CFAP52: variants seen among roughly 807,000 people sequenced by gnomAD.
CFAP52 encodes cilia- and flagella-associated protein 52.
In CFAP52, 57 loss-of-function variants were observed where a neutral mutation model predicts 70.5. The ratio of observed to expected loss-of-function variants is 0.81; its 90% CI spans 0.65 to 1.01. The LOEUF is 1.01. CFAP52 is among the 50% of genes least tolerant of loss of function. CFAP52 has a pLI of 0.00. For missense variants in CFAP52, 785 were observed against 788.5 expected (o/e 1.00, Z 0.05); for synonymous variants, 267 against 292.5 (o/e 0.91, Z 0.89).
At chr17:9,637,732 G>A (rs1338991423) in intron 11 of CFAP52, among the ~76,000 whole-genome samples, 1 of 152,132 alleles carries the variant, frequency 6.6e-6, no homozygotes, top group African/African-American at 2.4e-5. Context: ...GCGCCACCAC[G>A]CCTGGCTAAT....
Position 9,600,722 on chromosome 17 carries a change from G to A in CFAP52, c.753+539G>A, listed in dbSNP as rs187618909. Among the ~76,000 whole-genome samples the A allele has an allele frequency of 2.3e-3, 352 of 152,148 alleles. 9 individuals are homozygous for A. Among genetic ancestry groups the A allele is most frequent in the Admixed American group, 0.019 (287 of 15,278 alleles). On this transcript the variant is annotated intron_variant, in intron 6 of 13. Coordinates refer to ENST00000352665, the MANE Select transcript of CFAP52 (RefSeq NM_145054.5). ...TGGGACTACAGGCGCCCGCCACCAC[G>A]CCCAGCTAATTTTTTTGTATTTTTT...
rs60109261 is a variant in CFAP52 at position 9,631,106 on chromosome 17, G to GAAAGAAAGAA, written c.1175-1780_1175-1779insAGAAAGAAAA. 6.1e-5 allele frequency among the ~76,000 whole-genome samples: 9 copies of GAAAGAAAGAA among 146,586 alleles called. 1 individual carries two copies. The highest frequency in any genetic ancestry group is 2.4e-4 in the African/African-American group (9 of 37,060). On this transcript the variant is annotated intron_variant, in intron 9 of 13. Transcript: ENST00000352665. ...AGAGAAAGAAAGAAAGAGAAAGAAA[G>GAAAGAAAGAA]AACATAAGTCAGAATTTGCCATATT...
At chr17:9,601,317 C>T (rs1211396241) in intron 6 of CFAP52, among the ~76,000 whole-genome samples, 6 of 151,178 alleles carry the variant, frequency 4.0e-5, no homozygotes, top group South Asian at 4.2e-4. Flanking sequence ...ATGTAAATGA[C>T]GAGTTAATGG....
Position 9,576,730 on chromosome 17 carries a change from C to G in CFAP52, c.35C>G (p.Ala12Gly). 1 of 1,612,182 alleles carries G rather than the reference C, an allele frequency of 6.2e-7. No individual in the cohort carries two copies. Among genetic ancestry groups the G allele is most frequent in the South Asian group, 1.1e-5 (1 of 90,678 alleles). The change falls in exon 1 of 14, where the codon GCG becomes GGG. Residue 12 changes from alanine to glycine, a missense_variant. Ala to Gly is a moderately conservative substitution (Grantham distance 60). Coordinates refer to ENST00000352665, the MANE Select transcript of CFAP52 (RefSeq NM_145054.5). ...DNKISPEAQV[A>G]ELELDAVIGF... ...AAAATTTCGCCGGAGGCCCAAGTGG[C>G]GGAGCTGGAACTTGACGCCGTGATC...
intron 10 of CFAP52, among the ~76,000 whole-genome samples, chr17:9,633,586 T>A (rs1308830248): frequency 6.6e-6 from 1 of 152,072 alleles, no homozygotes; most frequent in Non-Finnish European, 1.5e-5. Context: ...TGGACTAGAG[T>A]TAAGGAATTC....
In CFAP52 at chr17:9,598,322, A is replaced by G. The variant is rs749129732; in HGVS notation, c.625A>G (p.Met209Val). 1.9e-6 allele frequency: 3 copies of G among 1,612,208 alleles called. No individual in the cohort carries two copies. The highest frequency in any genetic ancestry group is 2.5e-6 in the Non-Finnish European group (3 of 1,179,390). Residue 209 changes from methionine to valine, a missense_variant, in exon 5 of 14, where the codon ATG becomes GTG. Physicochemically the swap from Met to Val is conservative, Grantham distance 21 (BLOSUM62 1). Transcript: ENST00000352665. ...AACAGGACAGTTGAAAAGAATAGTCATGAGTATTGGAGTAAGTATTAATTT... is the reference window on the plus strand; with the variant it reads ...AACAGGACAGTTGAAAAGAATAGTCGTGAGTATTGGAGTAAGTATTAATTT... ...CQTGQLKRIV[M>V]SIGVDDDDSF...
rs185883706 is a variant in CFAP52, at chr17:9,642,350, G to A, written c.1687+515G>A. On this transcript the variant is annotated intron_variant, in intron 13 of 13. Transcript: ENST00000352665. ...TATTAACAAATAAATGCGGCCAGGC[G>A]TGGTGGCTCATGCCTGTAATCCTAG... 9.8e-5 allele frequency among the ~76,000 whole-genome samples: 15 copies of A among 152,310 alleles called. No individual in the cohort carries two copies. In the East Asian group the frequency reaches 1.5e-3, roughly 16 times the overall value.
At chr17:9,644,495 A>T (rs1597802120), downstream of CFAP52, among the ~76,000 whole-genome samples, 1 of 149,668 alleles carries the variant, frequency 6.7e-6, no homozygotes, top group East Asian at 2.0e-4. Context: ...CATGGTGCTG[A>T]TCTCTTCCTG....
At chr17:9,589,645 A>G (rs1908651953) in intron 3 of CFAP52, among the ~76,000 whole-genome samples, 1 of 151,820 alleles carries the variant, frequency 6.6e-6, no homozygotes, top group Non-Finnish European at 1.5e-5. Flanking sequence ...AGGCAGGAGA[A>G]TTGCTTGAAC....
At chr17:9,642,293 CA>C (rs917784533) in intron 13 of CFAP52, among the ~76,000 whole-genome samples, 4 of 152,176 alleles carry the variant, frequency 2.6e-5, no homozygotes, top group African/African-American at 7.2e-5. Flanking sequence ...ACATCATTAT[CA>C]TTTCCTGCCA....
chr17:9,622,830 T>C (rs1181738458), intron 8 of CFAP52, among the ~76,000 whole-genome samples: 1 of 152,188 alleles, frequency 6.6e-6, no homozygotes, highest in East Asian at 1.9e-4. Context: ...AAACACCCCT[T>C]CCAATCACTA....
intron 6 of CFAP52, among the ~76,000 whole-genome samples, chr17:9,603,403 G>T (rs1322632991): frequency 1.3e-5 from 2 of 152,090 alleles, no homozygotes; most frequent in South Asian, 2.1e-4. Context: ...TAGAGACGGG[G>T]TTTCACCGTG....
chr17:9,577,929 TA>T (rs1332659203), intron 1 of CFAP52, among the ~76,000 whole-genome samples: 1 of 151,944 alleles, frequency 6.6e-6, no homozygotes, highest in African/African-American at 2.4e-5. Flanking sequence ...CCATCTATAC[TA>T]AAAATACAAA....
chr17:9,624,480 T>C (rs1910165784), intron 8 of CFAP52, among the ~76,000 whole-genome samples: 1 of 152,138 alleles, frequency 6.6e-6, no homozygotes, highest in South Asian at 2.1e-4. Flanking sequence ...TTATTGTACT[T>C]CTTACCTATA....
intron 6 of CFAP52, among the ~76,000 whole-genome samples, chr17:9,601,177 C>T (rs768286409): frequency 4.0e-5 from 6 of 149,610 alleles, no homozygotes; most frequent in Non-Finnish European, 8.8e-5. Flanking sequence ...AAACCAAACA[C>T]CACATTTTCT....
chr17:9,583,310 G>A (rs1044441907), intron 1 of CFAP52, among the ~76,000 whole-genome samples: 11 of 152,024 alleles, frequency 7.2e-5, no homozygotes, highest in African/African-American at 2.7e-4. Flanking sequence ...AATTACATTT[G>A]GCCATTTGAG....
rs770324536 is a variant in CFAP52 at position 9,632,912 on chromosome 17, C to A, written c.1199C>A (p.Ala400Asp). The stretch of plus-strand genomic sequence containing the variant: ...GCATGGAACGACGGTAAAATCCGAG[C>A]CTTCGCCCCAGAGACAGGCCGACTG... ...ISAWNDGKIR[A>D]FAPETGRLMY... Residue 400 changes from alanine to aspartate, a missense_variant, in exon 10 of 14, where the codon GCC (alanine) becomes GAC (aspartate). By Grantham distance (126) the Ala-to-Asp change is moderately radical. Transcript: ENST00000352665. The A allele has an allele frequency of 1.7e-5, 27 of 1,613,986 alleles. No individual in the cohort carries two copies. The highest frequency in any genetic ancestry group is 2.0e-5 in the Non-Finnish European group (24 of 1,180,010).
At chr17:9,591,183 A>G (rs9914158) in intron 3 of CFAP52, among the ~76,000 whole-genome samples, 150,868 of 151,834 alleles carry the variant, frequency 0.99, 74,965 homozygotes, top group Non-Finnish European at 1. Flanking sequence ...GATTACAGGC[A>G]TGCACCACCA....
At chr17:9,630,143 T>C (rs1910410470) in intron 9 of CFAP52, among the ~76,000 whole-genome samples, 2 of 151,784 alleles carry the variant, frequency 1.3e-5, no homozygotes, top group African/African-American at 2.4e-5. Context: ...TTCCCCCTTA[T>C]CCTAGCCACC....
Sources: allele counts gnomAD v4.1 joint callset (sites outside exome capture counted in the v4.1 genomes callset), GRCh38; gene constraint gnomAD v4.1.1; transcripts MANE v1.5; gene names NCBI Gene and HGNC (gene_info 2026-07-23, HGNC 2026-07-21).